The following LRFN5 variants were observed in gnomAD, a reference collection of about 807,000 sequenced individuals.
LRFN5 encodes leucine rich repeat and fibronectin type III domain containing 5.
Under a neutral mutation model 45.6 loss-of-function variants are expected in LRFN5, and 24 were observed. The observed-to-expected ratio is 0.53, with a 90% CI of 0.38 to 0.74. The LOEUF (loss-of-function observed/expected upper bound fraction) is 0.74, where lower values mean the gene tolerates loss of function less well. LRFN5 is among the 30% of genes least tolerant of loss of function. The pLI is 0.00. For synonymous variants in LRFN5, 340 were observed against 313.8 expected, an observed-to-expected ratio of 1.08 and a Z score of -0.88; for missense variants, 776 against 861.5, an observed-to-expected ratio of 0.90 and a Z score of 1.24.
At chr14:41,632,501 G>A (rs1280729115) in intron 1 of LRFN5, among the ~76,000 whole-genome samples, 2 of 152,128 alleles carry the variant, frequency 1.3e-5, no homozygotes, top group Non-Finnish European at 2.9e-5. Context: ...TACTCGGGAG[G>A]CTAAGGGAGG....
intron 1 of LRFN5, among the ~76,000 whole-genome samples, chr14:41,738,037 A>G (rs1884520637): frequency 6.6e-6 from 1 of 152,212 alleles, no homozygotes; most frequent in Admixed American, 6.5e-5. Flanking sequence ...TGTATAGCCA[A>G]GACAATCTTA....
rs766394946 is a variant in LRFN5, at chr14:41,887,069, C to A, written c.444C>A (p.Ala148=). ...ISSTAFDDVF[A]LEELDLSYNN... The stretch of plus-strand genomic sequence containing the variant: ...CTACAGCGTTTGATGATGTCTTCGC[C>A]CTTGAGGAGCTGGATCTGTCCTATA... The change falls in exon 3 of 6, where the codon GCC becomes GCA. Residue 148 remains alanine (A), a synonymous_variant. Coordinates refer to ENST00000298119, the MANE Select transcript of LRFN5 (RefSeq NM_152447.5). The surrounding 1 kb of genome is among the most constrained non-coding windows in gnomAD (Gnocchi z 4.8). 7 of 1,613,876 alleles carry A rather than the reference C, an allele frequency of 4.3e-6. No homozygotes were observed. In the East Asian group the frequency reaches 1.6e-4, roughly 36 times the overall value.
Position 41,904,414 on chromosome 14 carries a change from TA to T in LRFN5, c.*245del. 2.3e-6 allele frequency: 1 copy of T among 427,692 alleles called. No homozygotes were observed. Among genetic ancestry groups the T allele is most frequent in the Non-Finnish European group, 4.1e-6 (1 of 242,770 alleles). The allele number at this position is 427,692 out of a possible 1,614,324, so 26.5% of individuals were successfully genotyped here. A position where few individuals can be genotyped will look rare whatever the true frequency, so the allele number is the denominator to read the frequency against. Reference sequence around the variant, plus strand: ...TTCTGGCCTACAAGTATTTTTTTTTTAAAAAAGAAAAAAAGCCTACATTGGC... The same window carrying T: ...TTCTGGCCTACAAGTATTTTTTTTTTAAAAAGAAAAAAAGCCTACATTGGC... On this transcript the variant is annotated 3_prime_UTR_variant, in exon 6 of 6. Coordinates refer to ENST00000298119, the MANE Select transcript of LRFN5 (RefSeq NM_152447.5).
At chr14:41,852,273 TC>T (rs1889294671) in intron 2 of LRFN5, among the ~76,000 whole-genome samples, 1 of 151,896 alleles carries the variant, frequency 6.6e-6, no homozygotes, top group African/African-American at 2.4e-5. Flanking sequence ...AATCTATACT[TC>T]TTTTTTTGCA....
intron 2 of LRFN5, among the ~76,000 whole-genome samples, chr14:41,865,401 T>A (rs969291779): frequency 1.3e-5 from 2 of 152,210 alleles, no homozygotes; most frequent in African/African-American, 4.8e-5. Flanking sequence ...ATATCAGTAC[T>A]GCATTATTTT....
At chr14:41,878,897 G>C (rs1000734408) in intron 2 of LRFN5, among the ~76,000 whole-genome samples, 1 of 152,068 alleles carries the variant, frequency 6.6e-6, no homozygotes, top group African/African-American at 2.4e-5. Context: ...TCAAGGATCA[G>C]TTTGTGAACT....
intron 1 of LRFN5, among the ~76,000 whole-genome samples, chr14:41,734,348 A>ATATATAT (rs1224866516): frequency 1.7e-4 from 19 of 114,344 alleles, no homozygotes; most frequent in South Asian, 6.1e-4. Context: ...ATATATATTT[A>ATATATAT]AATTTGCTGT....
At chr14:41,868,277 A>G (rs1889905324) in intron 2 of LRFN5, among the ~76,000 whole-genome samples, 1 of 152,090 alleles carries the variant, frequency 6.6e-6, no homozygotes, top group South Asian at 2.1e-4. Context: ...AAGGTTCTAA[A>G]TATTTGGCTA....
intron 1 of LRFN5, among the ~76,000 whole-genome samples, chr14:41,616,583 G>C (rs1343758506): frequency 6.6e-6 from 1 of 152,076 alleles, no homozygotes; most frequent in Non-Finnish European, 1.5e-5. Flanking sequence ...GCCTCTATAT[G>C]AGGTTATCTA....
At chr14:41,723,612 GAC>G (rs895131247) in intron 1 of LRFN5, among the ~76,000 whole-genome samples, 11 of 152,172 alleles carry the variant, frequency 7.2e-5, no homozygotes, top group Admixed American at 5.9e-4. Context: ...ATCCAGCAAT[GAC>G]ACACACAGAC....
intron 2 of LRFN5, among the ~76,000 whole-genome samples, chr14:41,829,570 A>G (rs369190462): frequency 6.6e-6 from 1 of 151,590 alleles, no homozygotes; most frequent in Admixed American, 6.6e-5. Context: ...GTTCCTCTTG[A>G]TTTTTATCTT....
chr14:41,675,377 G>C (rs1042681296), intron 1 of LRFN5, among the ~76,000 whole-genome samples: 1 of 152,264 alleles, frequency 6.6e-6, no homozygotes, highest in African/African-American at 2.4e-5. Context: ...GAGGCTGGCG[G>C]ATCACTCGCT....
chr14:41,673,048 ATTTT>A (rs1199308141), intron 1 of LRFN5, among the ~76,000 whole-genome samples: 1 of 149,400 alleles, frequency 6.7e-6, no homozygotes, highest in East Asian at 1.9e-4. Context: ...TTATTTATTT[ATTTT>A]TTCACAAGGC....
intron 1 of LRFN5, among the ~76,000 whole-genome samples, chr14:41,622,073 T>C (rs910094802): frequency 3.3e-5 from 5 of 152,064 alleles, no homozygotes; most frequent in Admixed American, 2.6e-4. Flanking sequence ...CAATGCACTA[T>C]TTGATTTATT....
At chr14:41,640,403 T>C (rs1441196695) in intron 1 of LRFN5, among the ~76,000 whole-genome samples, 6 of 152,244 alleles carry the variant, frequency 3.9e-5, no homozygotes, top group Admixed American at 6.6e-5. Flanking sequence ...CATATATTCG[T>C]GTAGCTCTAC....
At chr14:41,780,419 C>T (rs767382649) in intron 2 of LRFN5, among the ~76,000 whole-genome samples, 2 of 151,970 alleles carry the variant, frequency 1.3e-5, no homozygotes, top group African/African-American at 2.4e-5. Context: ...ACAGCTTTCT[C>T]ATTACTAAAT....
chr14:41,687,065 A>G (rs1484719490), intron 1 of LRFN5, among the ~76,000 whole-genome samples: 2 of 152,202 alleles, frequency 1.3e-5, no homozygotes, highest in African/African-American at 2.4e-5. Flanking sequence ...CAGGCAACCT[A>G]CAGAATGGGA....
chr14:41,675,604 C>T (rs1054382766), intron 1 of LRFN5, among the ~76,000 whole-genome samples: 1 of 151,530 alleles, frequency 6.6e-6, no homozygotes, highest in African/African-American at 2.4e-5. Flanking sequence ...AAAGAGGGGA[C>T]AGGGAGAGGG....
chr14:41,674,768 G>T lies in LRFN5; in HGVS notation c.-197+66206G>T, dbSNP rs573422751. ...GGAGACGCTCCTCACTTCCCAGACGGGGTGGCTGCCGGGCGGAGAGGCTCC... is the reference window on the plus strand; with the variant it reads ...GGAGACGCTCCTCACTTCCCAGACGTGGTGGCTGCCGGGCGGAGAGGCTCC... On this transcript the variant is annotated intron_variant, in intron 1 of 5. Coordinates refer to ENST00000298119, the MANE Select transcript of LRFN5 (RefSeq NM_152447.5). Among the ~76,000 whole-genome samples the T allele has an allele frequency of 4.3e-3, 656 of 151,948 alleles. 4 individuals carry two copies. Among genetic ancestry groups the T allele is most frequent in the African/African-American group, 0.015 (627 of 41,452 alleles).
Sources: gnomAD v4.1 joint callset for allele counts (sites outside exome capture counted in the v4.1 genomes callset) on GRCh38, gnomAD v4.1.1 for gene constraint, Gnocchi (gnomAD v3.1) non-coding constraint, MANE v1.5 for transcripts, NCBI Gene and HGNC (gene_info 2026-07-23, HGNC 2026-07-21) for gene names.